The following USP33 variants were observed in gnomAD, a reference collection of about 807,000 sequenced individuals.
USP33 encodes the protein ubiquitin specific peptidase 33.
USP33 carries 46 observed loss-of-function variants against 124.2 expected under a neutral mutation model. The observed-to-expected ratio is 0.37, with a 90% CI of 0.29 to 0.47. The LOEUF is 0.47. USP33 is among the 20% of genes least tolerant of loss of function. The probability of loss-of-function intolerance (pLI) is 0.99; values close to 1 mark genes in which losing one functional copy is unlikely to be tolerated. For missense variants in USP33, 851 were observed against 1,070.6 expected, an observed-to-expected ratio of 0.79 and a Z score of 2.86; for synonymous variants, 350 against 352.3, an observed-to-expected ratio of 0.99 and a Z score of 0.07.
intron 1 of USP33, among the ~76,000 whole-genome samples, chr1:77,745,168 C>T (rs1245372610): frequency 6.6e-6 from 1 of 152,150 alleles, no homozygotes; most frequent in Non-Finnish European, 1.5e-5. Flanking sequence ...ATCCCTTTAC[C>T]ATTATGTAAT....
At chr1:77,738,630 G>A (rs555097063) in intron 5 of USP33, among the ~76,000 whole-genome samples, 10 of 152,004 alleles carry the variant, frequency 6.6e-5, no homozygotes, top group Non-Finnish European at 7.4e-5. Flanking sequence ...ACAGGTGCCC[G>A]CCACCACACC....
chr1:77,749,368 T>A (rs949283683), intron 1 of USP33, among the ~76,000 whole-genome samples: 3 of 151,842 alleles, frequency 2.0e-5, no homozygotes. Flanking sequence ...TGTATTTTTT[T>A]ATGTTTTTTG....
chr1:77,748,779 T>TCCCCCCCC (rs1553201472), intron 1 of USP33, among the ~76,000 whole-genome samples: 1 of 47,632 alleles, frequency 2.1e-5, no homozygotes, highest in African/African-American at 8.1e-5. Context: ...ATTCCTTCCC[T>TCCCCCCCC]CCCCCCCCCC....
At chr1:77,712,923 T>C (rs893597096) in intron 20 of USP33, among the ~76,000 whole-genome samples, 7 of 152,164 alleles carry the variant, frequency 4.6e-5, no homozygotes, top group Non-Finnish European at 8.8e-5. Flanking sequence ...TATATACATA[T>C]GTAAAATTTT....
chr1:77,756,148 GC>G (rs1474376619), intron 1 of USP33, among the ~76,000 whole-genome samples: 1 of 151,936 alleles, frequency 6.6e-6, no homozygotes, highest in African/African-American at 2.4e-5. Context: ...TCTCTATATT[GC>G]CCAGGTTGGA....
chr1:77,714,765 T>C lies in USP33; in HGVS notation c.2064A>G (p.Ala688=), dbSNP rs143027050. 5 of 1,612,002 alleles carry C rather than the reference T, an allele frequency of 3.1e-6. No homozygotes were observed. The African/African-American group carries it at 5.3e-5, about 17-fold the overall frequency. The part of the protein sequence containing the change: ...VLFYRKSSEE[A]QKERRRISNL... ...TTGATATCCTTCTCCTCTCTTTTTG[T>C]GCCTCTTCGCTGCTCTTCCTATTAA... The change falls in exon 19 of 24, where the codon GCA becomes GCG. Residue 688 remains alanine, a synonymous_variant. Coordinates refer to ENST00000370794, the MANE Select transcript of USP33 (RefSeq NM_201624.3).
At chr1:77,737,177 C>G (rs557627468) in intron 5 of USP33, among the ~76,000 whole-genome samples, 1 of 152,186 alleles carries the variant, frequency 6.6e-6, no homozygotes, top group South Asian at 2.1e-4. Flanking sequence ...AACACCCAAA[C>G]AGAGAAGGAA....
At chr1:77,733,140 T>C (rs1006600127) in intron 7 of USP33, among the ~76,000 whole-genome samples, 13 of 151,856 alleles carry the variant, frequency 8.6e-5, no homozygotes, top group Non-Finnish European at 4.4e-5. Context: ...ATGCCTATAA[T>C]CCCAGCACTT....
intron 10 of USP33, 97 bp from the exon 11 acceptor site, chr1:77,725,859 A>G (rs1330867860): frequency 2.6e-6 from 3 of 1,151,946 alleles, no homozygotes; most frequent in Non-Finnish European, 3.6e-6. Flanking sequence ...TTTTGAACAC[A>G]ATCATATTAA....
intron 14 of USP33, chr1:77,721,546 T>TGTCAA (rs1676561142): frequency 2.0e-6 from 1 of 490,330 alleles, no homozygotes; most frequent in Admixed American, 3.9e-5. Flanking sequence ...CACAAATAAG[T>TGTCAA]CCATTATTTT....
chr1:77,702,684 G>C (rs1674176839), intron 21 of USP33, among the ~76,000 whole-genome samples: 1 of 152,044 alleles, frequency 6.6e-6, no homozygotes, highest in Admixed American at 6.6e-5. Flanking sequence ...TGTCAATTCA[G>C]GTAGATACTC....
At chr1:77,702,018 G>A (rs927407382) in intron 21 of USP33, among the ~76,000 whole-genome samples, 11 of 151,624 alleles carry the variant, frequency 7.3e-5, no homozygotes, top group Admixed American at 1.3e-4. Flanking sequence ...ATTTGCACCT[G>A]TAGTCCCAGC....
intron 3 of USP33, 77 bp from the exon 4 acceptor site, chr1:77,741,016 A>G: frequency 9.8e-7 from 1 of 1,021,834 alleles, no homozygotes; most frequent in Non-Finnish European, 1.4e-6. Flanking sequence ...TTACAATTAC[A>G]TTTACAATTA....
At chr1:77,719,856 GAA>G (rs554573074) in intron 15 of USP33, among the ~76,000 whole-genome samples, 3 of 100,190 alleles carry the variant, frequency 3.0e-5, no homozygotes, top group Admixed American at 1.2e-4. Context: ...TCCCTCTCAA[GAA>G]AAAAAAAAAA....
chr1:77,748,828 T>C (rs1680019617), intron 1 of USP33, among the ~76,000 whole-genome samples: 1 of 117,292 alleles, frequency 8.5e-6, no homozygotes, highest in Non-Finnish European at 1.6e-5. Context: ...TTATCAGAGA[T>C]AAAATATGTG....
chr1:77,719,387 A>G (rs1232539427), intron 15 of USP33, among the ~76,000 whole-genome samples: 2 of 152,142 alleles, frequency 1.3e-5, no homozygotes, highest in Non-Finnish European at 2.9e-5. Context: ...TTAAACCAAG[A>G]TATCGGTAAT....
At chr1:77,712,832 T>C (rs1388296064) in intron 20 of USP33, among the ~76,000 whole-genome samples, 2 of 152,000 alleles carry the variant, frequency 1.3e-5, no homozygotes, top group Admixed American at 1.3e-4. Context: ...CACTCCAGCC[T>C]GGTTGATGGA....
intron 21 of USP33, among the ~76,000 whole-genome samples, chr1:77,704,186 G>C (rs1674358755): frequency 6.6e-6 from 1 of 152,100 alleles, no homozygotes; most frequent in African/African-American, 2.4e-5. Context: ...GATCTTTCTG[G>C]GACACAAGGT....
chr1:77,721,228 A>T (rs747466386), intron 14 of USP33, 23 bp from the exon 15 acceptor site: 1 of 1,613,566 alleles, frequency 6.2e-7, no homozygotes, highest in Non-Finnish European at 8.5e-7. Flanking sequence ...CAGATCTGGC[A>T]TTGGTTTCAA....
Sources: allele counts gnomAD v4.1 joint callset (sites outside exome capture counted in the v4.1 genomes callset), GRCh38; gene constraint gnomAD v4.1.1; transcripts MANE v1.5; gene names NCBI Gene and HGNC (gene_info 2026-07-23, HGNC 2026-07-21).